SGCD: variants seen among roughly 807,000 people sequenced by gnomAD.
The protein encoded by SGCD is delta-sarcoglycan.
A neutral mutation model predicts 36.6 loss-of-function variants in SGCD; 18 were observed. That is an observed-to-expected ratio of 0.49 (90% CI 0.34 to 0.73). SGCD has a LOEUF of 0.73. SGCD is among the 30% of genes least tolerant of loss of function. The pLI is 0.01. For missense variants in SGCD, 387 were observed against 346.7 expected (o/e 1.12, Z -0.92); for synonymous variants, 133 against 130.6 (o/e 1.02, Z -0.12).
At chr5:156,045,608 G>T (rs547733046) in intron 1 of SGCD, among the ~76,000 whole-genome samples, 56 of 152,242 alleles carry the variant, frequency 3.7e-4, no homozygotes, top group African/African-American at 1.3e-3. Flanking sequence ...CACTTCTGGA[G>T]GTTTGATGTT....
intron 3 of SGCD, among the ~76,000 whole-genome samples, chr5:156,351,746 A>G (rs1006097615): frequency 1.3e-5 from 2 of 152,094 alleles, no homozygotes; most frequent in African/African-American, 4.8e-5. Flanking sequence ...CTATTTGGAT[A>G]CCAATTTTAC....
At chr5:156,480,322 T>C (rs1755367972) in intron 3 of SGCD, among the ~76,000 whole-genome samples, 1 of 152,194 alleles carries the variant, frequency 6.6e-6, no homozygotes, top group South Asian at 2.1e-4. Flanking sequence ...ATTGCTCTGT[T>C]TCGTTGGATT....
At chr5:156,591,217 A>G (rs1318878667) in intron 5 of SGCD, among the ~76,000 whole-genome samples, 1 of 151,926 alleles carries the variant, frequency 6.6e-6, no homozygotes, top group Non-Finnish European at 1.5e-5. Flanking sequence ...AAAACAAATC[A>G]CTCCTGTCTT....
intron 1 of SGCD, among the ~76,000 whole-genome samples, chr5:155,950,249 C>T (rs1233141910): frequency 6.6e-6 from 1 of 152,118 alleles, no homozygotes; most frequent in African/African-American, 2.4e-5. Flanking sequence ...TTTATGCTCC[C>T]CCTACCTGCT....
At chr5:156,311,370 A>G (rs1767384473) in intron 3 of SGCD, among the ~76,000 whole-genome samples, 1 of 152,204 alleles carries the variant, frequency 6.6e-6, no homozygotes, top group Non-Finnish European at 1.5e-5. Flanking sequence ...TAGGCACACA[A>G]TTAGCAAGGA....
At chr5:156,210,791 T>G (rs964496007) in intron 3 of SGCD, among the ~76,000 whole-genome samples, 1 of 151,852 alleles carries the variant, frequency 6.6e-6, no homozygotes, top group South Asian at 2.1e-4. Context: ...TGAAAGGGAC[T>G]GAAGAAAGCT....
chr5:156,697,275 A>G (rs1209043209), intron 7 of SGCD, among the ~76,000 whole-genome samples: 5 of 152,140 alleles, frequency 3.3e-5, no homozygotes, highest in Admixed American at 2.6e-4. Flanking sequence ...TTGCTTCAGA[A>G]ACAGTATTTA....
At chr5:156,581,772 T>C (rs6859694) in intron 4 of SGCD, among the ~76,000 whole-genome samples, 1 of 152,054 alleles carries the variant, frequency 6.6e-6, no homozygotes, top group Non-Finnish European at 1.5e-5. Flanking sequence ...GCTAAGACCA[T>C]TGGAAAAGTG....
chr5:155,943,036 A>T (rs1757362370), intron 1 of SGCD, among the ~76,000 whole-genome samples: 1 of 152,194 alleles, frequency 6.6e-6, no homozygotes, highest in Non-Finnish European at 1.5e-5. Context: ...TGCCTAAATT[A>T]TTTGTACAGC....
chr5:156,653,384 G>A (rs1425619452), intron 7 of SGCD, among the ~76,000 whole-genome samples: 2 of 151,482 alleles, frequency 1.3e-5, no homozygotes, highest in African/African-American at 4.8e-5. Flanking sequence ...TGTGCATAGA[G>A]GTGTTCATAA....
chr5:156,361,325 A>T (rs1769782973), intron 3 of SGCD, among the ~76,000 whole-genome samples: 1 of 152,230 alleles, frequency 6.6e-6, no homozygotes, highest in Non-Finnish European at 1.5e-5. Context: ...TTAGGAGAGA[A>T]GCAGTGTAAT....
chr5:156,473,593 G>GT (rs1755060417), intron 3 of SGCD, among the ~76,000 whole-genome samples: 1 of 152,198 alleles, frequency 6.6e-6, no homozygotes, highest in Non-Finnish European at 1.5e-5. Context: ...ACTACTGTGT[G>GT]TTTTTTATAA....
chr5:156,196,004 GA>G (rs111942810), intron 3 of SGCD, among the ~76,000 whole-genome samples: 2,668 of 152,200 alleles, frequency 0.018, 73 homozygotes, highest in African/African-American at 0.059. Flanking sequence ...CCCAACCTCT[GA>G]AGGCACCAGC....
At chr5:156,610,131 G>T (rs1465862964) in intron 6 of SGCD, among the ~76,000 whole-genome samples, 1 of 144,308 alleles carries the variant, frequency 6.9e-6, no homozygotes, top group Admixed American at 6.9e-5. Flanking sequence ...CTGATTTTTA[G>T]AGTTTCCGGT....
At chr5:156,519,480 A>G (rs1456591515) in intron 4 of SGCD, among the ~76,000 whole-genome samples, 4 of 152,184 alleles carry the variant, frequency 2.6e-5, no homozygotes, top group African/African-American at 7.2e-5. Context: ...ACTATTCCAA[A>G]CAATTGAAAA....
intron 1 of SGCD, among the ~76,000 whole-genome samples, chr5:155,972,616 A>G (rs751604442): frequency 3.3e-5 from 5 of 152,094 alleles, no homozygotes; most frequent in Non-Finnish European, 5.9e-5. Context: ...AAAACTTCTG[A>G]AGTGGTTTTG....
At chr5:155,746,260 G>C in the SGCD span, among the ~76,000 whole-genome samples, 1 of 152,074 alleles carries the variant, frequency 6.6e-6, no homozygotes, top group African/African-American at 2.4e-5. Context: ...GAGTGTCCTC[G>C]GGTCTAGTCT....
intron 3 of SGCD, among the ~76,000 whole-genome samples, chr5:156,363,642 C>A (rs542015915): frequency 1.3e-5 from 2 of 152,146 alleles, no homozygotes; most frequent in East Asian, 3.8e-4. Flanking sequence ...GATTCTCTTG[C>A]TGTATAAGCT....
intron 1 of SGCD, among the ~76,000 whole-genome samples, chr5:156,062,522 T>A (rs1388896319): frequency 8.4e-6 from 1 of 118,846 alleles, no homozygotes; most frequent in Non-Finnish European, 1.7e-5. Flanking sequence ...ACTTCCACAA[T>A]GGTTGAACTA....
Sources: allele counts gnomAD v4.1 joint callset (sites outside exome capture counted in the v4.1 genomes callset), GRCh38; gene constraint gnomAD v4.1.1; transcripts MANE v1.5; gene names NCBI Gene and HGNC (gene_info 2026-07-23, HGNC 2026-07-21).